The following IL1RAPL2 variants were observed in gnomAD, a reference collection of about 807,000 sequenced individuals.
The protein encoded by IL1RAPL2 is interleukin 1 receptor accessory protein like 2.
A neutral mutation model predicts 44.1 loss-of-function variants in IL1RAPL2; 3 were observed. That is an observed-to-expected ratio of 0.07 (90% CI 0.03 to 0.18). The LOEUF is 0.18. IL1RAPL2 is among the 10% of genes least tolerant of loss of function. The pLI is 1.00. For missense variants in IL1RAPL2, 391 were observed against 496.4 expected (o/e 0.79, Z 2.02); for synonymous variants, 181 against 178.8 (o/e 1.01, Z -0.10).
chrX:104,723,531 C>T (rs1263637490), intron 2 of IL1RAPL2, among the ~76,000 whole-genome samples: 1 of 109,625 alleles, frequency 9.1e-6, no homozygotes, highest in African/African-American at 3.3e-5. Flanking sequence ...GAGGTGAGGT[C>T]TCAGGTGTTT....
At chrX:105,729,139 A>G (rs973379583) in intron 7 of IL1RAPL2, among the ~76,000 whole-genome samples, 5 of 111,465 alleles carry the variant, frequency 4.5e-5, no homozygotes, top group Non-Finnish European at 9.5e-5. Flanking sequence ...ATTGATTGAC[A>G]TATTGGTTAT....
chrX:105,457,179 G>A (rs1190406204), intron 5 of IL1RAPL2, among the ~76,000 whole-genome samples: 1 of 110,282 alleles, frequency 9.1e-6, no homozygotes, highest in African/African-American at 3.3e-5. Context: ...GAAATGTCAT[G>A]AATATCACAT....
At chrX:104,734,957 A>G (rs781152687) in intron 2 of IL1RAPL2, among the ~76,000 whole-genome samples, 1 of 111,692 alleles carries the variant, frequency 9.0e-6, no homozygotes, top group South Asian at 3.7e-4. Flanking sequence ...TGAATGGTAA[A>G]TTATATGCTT....
At chrX:105,187,059 A>C (rs73638482) in intron 2 of IL1RAPL2, among the ~76,000 whole-genome samples, 2,474 of 111,672 alleles carry the variant, frequency 0.022, 56 homozygotes, top group African/African-American at 0.076. Flanking sequence ...CTGCTACCAC[A>C]GTCCTCTTCA....
chrX:105,359,080 A>G (rs895709947), intron 5 of IL1RAPL2, among the ~76,000 whole-genome samples: 1 of 112,059 alleles, frequency 8.9e-6, no homozygotes, highest in African/African-American at 3.2e-5. Flanking sequence ...TTGGGCATAC[A>G]GCTCCTTATA....
chrX:105,601,635 T>TAAGTC (rs2037252793), intron 6 of IL1RAPL2, among the ~76,000 whole-genome samples: 1 of 111,249 alleles, frequency 9.0e-6, no homozygotes, highest in South Asian at 3.8e-4. Context: ...GCAGCTGCCT[T>TAAGTC]AAGTCCATGT....
chrX:105,031,114 A>G (rs986756481), intron 2 of IL1RAPL2, among the ~76,000 whole-genome samples: 1 of 110,305 alleles, frequency 9.1e-6, no homozygotes, highest in Non-Finnish European at 1.9e-5. Flanking sequence ...ACTTTGCTGA[A>G]TTTGCTTATC....
At chrX:105,258,806 T>C (rs776286195) in intron 4 of IL1RAPL2, among the ~76,000 whole-genome samples, 35 of 112,195 alleles carry the variant, frequency 3.1e-4, no homozygotes, top group Middle Eastern at 4.6e-3. Context: ...TTATACCAGC[T>C]ATTTTGTCCT....
intron 5 of IL1RAPL2, among the ~76,000 whole-genome samples, chrX:105,364,060 C>G (rs774454898): frequency 9.0e-6 from 1 of 111,197 alleles, no homozygotes; most frequent in African/African-American, 3.3e-5. Flanking sequence ...ACAGGTCTTA[C>G]GTTTAAGTCT....
intron 4 of IL1RAPL2, among the ~76,000 whole-genome samples, chrX:105,249,972 G>A (rs1035788151): frequency 9.0e-6 from 1 of 111,245 alleles, no homozygotes; most frequent in Non-Finnish European, 1.9e-5. Flanking sequence ...CTTCCTTTGT[G>A]AATGGCTAAA....
intron 5 of IL1RAPL2, among the ~76,000 whole-genome samples, chrX:105,343,643 AT>A (rs2035088153): frequency 9.0e-6 from 1 of 111,513 alleles, no homozygotes; most frequent in African/African-American, 3.3e-5. Context: ...CCATAACTGG[AT>A]TTTTTTCTTT....
chrX:105,013,890 T>A (rs1441145776), intron 2 of IL1RAPL2, among the ~76,000 whole-genome samples: 1 of 112,067 alleles, frequency 8.9e-6, no homozygotes, highest in Non-Finnish European at 1.9e-5. Context: ...TTACATGTAT[T>A]TGTTTTATCT....
At chrX:105,072,007 T>G (rs1279615921) in intron 2 of IL1RAPL2, among the ~76,000 whole-genome samples, 2 of 111,991 alleles carry the variant, frequency 1.8e-5, no homozygotes, top group Non-Finnish European at 3.8e-5. Flanking sequence ...TGATATAGTT[T>G]GGATCTGTGT....
chrX:105,484,666 G>T (rs1046303029), intron 6 of IL1RAPL2, among the ~76,000 whole-genome samples: 4 of 111,849 alleles, frequency 3.6e-5, no homozygotes, highest in African/African-American at 1.3e-4. Flanking sequence ...TGAGTGTCTT[G>T]CATTGGTGAT....
intron 6 of IL1RAPL2, among the ~76,000 whole-genome samples, chrX:105,561,029 A>C (rs1013378976): frequency 9.0e-6 from 1 of 111,584 alleles, no homozygotes; most frequent in Non-Finnish European, 1.9e-5. Flanking sequence ...GTGCATCATA[A>C]TTTGCTTGAG....
At chrX:105,598,767 C>T (rs2037230127) in intron 6 of IL1RAPL2, among the ~76,000 whole-genome samples, 2 of 111,867 alleles carry the variant, frequency 1.8e-5, no homozygotes, top group South Asian at 7.5e-4. Context: ...TCCTGATTCC[C>T]CACATCTCCT....
At chrX:104,587,706 T>A (rs1928586676) in intron 1 of IL1RAPL2, among the ~76,000 whole-genome samples, 1 of 112,338 alleles carries the variant, frequency 8.9e-6, no homozygotes, top group Admixed American at 9.4e-5. Context: ...TTTTCAATCA[T>A]AGTAATAAAT....
At chrX:105,403,611 G>A (rs925739129) in intron 5 of IL1RAPL2, among the ~76,000 whole-genome samples, 1 of 111,548 alleles carries the variant, frequency 9.0e-6, no homozygotes, top group African/African-American at 3.3e-5. Flanking sequence ...CACATGAGGT[G>A]GATGTCACAT....
intron 2 of IL1RAPL2, among the ~76,000 whole-genome samples, chrX:104,682,062 C>T (rs1219740374): frequency 8.9e-6 from 1 of 112,318 alleles, no homozygotes; most frequent in Non-Finnish European, 1.9e-5. Context: ...CCCTTCAGAA[C>T]CCATGGCATA....
Sources: gnomAD v4.1 joint callset for allele counts (sites outside exome capture counted in the v4.1 genomes callset) on GRCh38, gnomAD v4.1.1 for gene constraint, MANE v1.5 for transcripts, NCBI Gene and HGNC (gene_info 2026-07-23, HGNC 2026-07-21) for gene names.